ZNF804A: variants seen among roughly 807,000 people sequenced by gnomAD.
The protein encoded by ZNF804A is zinc finger protein 804A.
ZNF804A carries 2 observed loss-of-function variants against 16.5 expected under a neutral mutation model. The ratio of observed to expected loss-of-function variants is 0.12; its 90% confidence interval spans 0.05 to 0.38. ZNF804A has a LOEUF of 0.38. ZNF804A is among the 10% of genes least tolerant of loss of function. The pLI is 0.99. For synonymous variants in ZNF804A, 534 were observed against 489.6 expected, an observed-to-expected ratio of 1.09 and a Z score of -1.20; for missense variants, 1,473 against 1,390.7, an observed-to-expected ratio of 1.06 and a Z score of -0.94.
chr2:184,704,912 GA>G (rs1692998334), intron 1 of ZNF804A, among the ~76,000 whole-genome samples: 1 of 152,144 alleles, frequency 6.6e-6, no homozygotes, highest in Non-Finnish European at 1.5e-5. Context: ...CTCATGGAAA[GA>G]AAGAAGAAAG....
In ZNF804A at chr2:184,937,663, G is replaced by A. The variant is rs779278261; in HGVS notation, c.2267G>A (p.Arg756Lys). 6.2e-7 allele frequency: 1 copy of A among 1,614,038 alleles called. No homozygotes were observed. ...KHMSQNQAVK[R>K]GYNSVMNESE... ...ATGAGTCAGAATCAGGCTGTTAAAA[G>A]AGGTTACAATTCTGTCATGAATGAA... Residue 756 changes from arginine to lysine, a missense_variant, in exon 4 of 4, where the codon AGA becomes AAA. Transcript: ENST00000302277.
At chr2:184,615,382 A>G (rs2105675350) in intron 1 of ZNF804A, among the ~76,000 whole-genome samples, 1 of 152,274 alleles carries the variant, frequency 6.6e-6, no homozygotes, top group Non-Finnish European at 1.5e-5. Flanking sequence ...TAAAAAAAGA[A>G]TAATTGGGTG....
rs79103863 is a variant in ZNF804A at position 184,815,925 on chromosome 2, G to C, written c.112-50444G>C. 1.4e-4 allele frequency among the ~76,000 whole-genome samples: 21 copies of C among 152,008 alleles called. No individual in the cohort carries two copies. The East Asian group carries it at 3.9e-3, about 28-fold the overall frequency. On this transcript the variant is annotated intron_variant, in intron 1 of 3. Coordinates refer to ENST00000302277, the MANE Select transcript of ZNF804A (RefSeq NM_194250.2). ...GTGGCATGTTAGTTTGTGGCCTCTT[G>C]TCAATTTGTCTTGTTTTGATACATA...
At chr2:184,831,716 T>C (rs1279859312) in intron 1 of ZNF804A, among the ~76,000 whole-genome samples, 1 of 150,712 alleles carries the variant, frequency 6.6e-6, no homozygotes, top group Non-Finnish European at 1.5e-5. Context: ...AATATCCTCC[T>C]ATGTGATGTT....
At chr2:184,796,284 T>C (rs1457636060) in intron 1 of ZNF804A, among the ~76,000 whole-genome samples, 3 of 152,082 alleles carry the variant, frequency 2.0e-5, no homozygotes, top group Non-Finnish European at 4.4e-5. Context: ...ATAGTGTCAA[T>C]AGGATTAGTA....
intron 1 of ZNF804A, among the ~76,000 whole-genome samples, chr2:184,660,390 G>A (rs1206402894): frequency 1.3e-5 from 2 of 152,088 alleles, no homozygotes; most frequent in Non-Finnish European, 2.9e-5. Flanking sequence ...TTAATCAACT[G>A]AAAGTTTCTC....
At chr2:184,863,821 C>T (rs1695834985) in intron 1 of ZNF804A, among the ~76,000 whole-genome samples, 1 of 152,014 alleles carries the variant, frequency 6.6e-6, no homozygotes, top group Non-Finnish European at 1.5e-5. Context: ...TTGACTAATC[C>T]ATAAAGTATT....
At chr2:184,609,173 G>A (rs1691197858) in intron 1 of ZNF804A, among the ~76,000 whole-genome samples, 1 of 152,192 alleles carries the variant, frequency 6.6e-6, no homozygotes, top group African/African-American at 2.4e-5. Context: ...GGTGAACAAT[G>A]TCACTGGAGA....
chr2:184,852,009 C>T (rs866726682), intron 1 of ZNF804A, among the ~76,000 whole-genome samples: 1 of 151,656 alleles, frequency 6.6e-6, no homozygotes, highest in Middle Eastern at 3.4e-3. Flanking sequence ...CTATTCAGGT[C>T]CTTTGCCCAT....
chr2:184,860,797 A>T (rs1459452711), intron 1 of ZNF804A, among the ~76,000 whole-genome samples: 1 of 152,128 alleles, frequency 6.6e-6, no homozygotes, highest in Admixed American at 6.5e-5. Flanking sequence ...TTGACCTGAT[A>T]ACTGGGGCTG....
At chr2:184,847,152 GA>G (rs1219707380) in intron 1 of ZNF804A, among the ~76,000 whole-genome samples, 4 of 152,118 alleles carry the variant, frequency 2.6e-5, no homozygotes, top group Admixed American at 2.6e-4. Flanking sequence ...TATTACTGTT[GA>G]GTTGTACTCA....
chr2:184,924,391 A>G (rs962026425), intron 2 of ZNF804A, among the ~76,000 whole-genome samples: 1 of 151,674 alleles, frequency 6.6e-6, no homozygotes, highest in African/African-American at 2.4e-5. Flanking sequence ...TTTTAAATTT[A>G]TATGGTATCT....
intron 1 of ZNF804A, among the ~76,000 whole-genome samples, chr2:184,624,925 G>C (rs1050197714): frequency 6.6e-6 from 1 of 152,034 alleles, no homozygotes; most frequent in Non-Finnish European, 1.5e-5. Flanking sequence ...CTGCTTCTGC[G>C]TATTGAGTTC....
chr2:184,719,017 C>T lies in ZNF804A; in HGVS notation c.111+119947C>T, dbSNP rs185910430. Among the ~76,000 whole-genome samples the T allele has an allele frequency of 3.5e-3, 533 of 152,330 alleles. 12 individuals are homozygous for T. The highest frequency in any genetic ancestry group is 0.03 in the Admixed American group (452 of 15,296). On this transcript the variant is annotated intron_variant, in intron 1 of 3. Transcript: ENST00000302277. ...GAGGTTCTCCATGAGGGCCCCATCCCTACAGCAAACTTCTGCCAGGGCATT... is the reference window on the plus strand; with the variant it reads ...GAGGTTCTCCATGAGGGCCCCATCCTTACAGCAAACTTCTGCCAGGGCATT...
At chr2:184,769,127 A>C (rs536711721) in intron 1 of ZNF804A, among the ~76,000 whole-genome samples, 64 of 152,206 alleles carry the variant, frequency 4.2e-4, no homozygotes, top group African/African-American at 1.5e-3. Flanking sequence ...CCTCTGCTTC[A>C]CAGCCACTTA....
At position 184,648,522 on chromosome 2, in the gene ZNF804A, A is replaced by T. The variant is rs185577341; in HGVS notation, c.111+49452A>T. Reference sequence around the variant, plus strand: ...AAACAAACTAAAAAACAAGACCCATAATCTGTTGTCTTCAAGAGATAACAC... The same window carrying T: ...AAACAAACTAAAAAACAAGACCCATTATCTGTTGTCTTCAAGAGATAACAC... On this transcript the variant is annotated intron_variant, in intron 1 of 3. Transcript: ENST00000302277. Among the ~76,000 whole-genome samples the T allele has an allele frequency of 1.3e-3, 200 of 152,284 alleles. 1 individual carries two copies. Among genetic ancestry groups the T allele is most frequent in the African/African-American group, 4.7e-3 (197 of 41,572 alleles).
chr2:184,648,890 T>C (rs1691929004), intron 1 of ZNF804A, among the ~76,000 whole-genome samples: 1 of 151,942 alleles, frequency 6.6e-6, no homozygotes, highest in Non-Finnish European at 1.5e-5. Context: ...AGGCAGAAAA[T>C]TAACAAATTC....
chr2:184,631,301 ATAG>A (rs1439070365), intron 1 of ZNF804A, among the ~76,000 whole-genome samples: 1 of 152,160 alleles, frequency 6.6e-6, no homozygotes, highest in Non-Finnish European at 1.5e-5. Context: ...AATAAAAGCA[ATAG>A]TAGAAAACAA....
chr2:184,862,122 G>A (rs1163144221), intron 1 of ZNF804A, among the ~76,000 whole-genome samples: 2 of 152,066 alleles, frequency 1.3e-5, no homozygotes, highest in Non-Finnish European at 2.9e-5. Context: ...TGAACATTTT[G>A]GATTGTATAT....
Sources: allele counts gnomAD v4.1 joint callset (sites outside exome capture counted in the v4.1 genomes callset), GRCh38; gene constraint gnomAD v4.1.1; transcripts MANE v1.5; gene names NCBI Gene and HGNC (gene_info 2026-07-23, HGNC 2026-07-21).